ARSG: variants seen among roughly 807,000 people sequenced by gnomAD.
The protein encoded by ARSG is ASG.
ARSG carries 37 observed loss-of-function variants against 50.5 expected under a neutral mutation model. That is an observed-to-expected ratio of 0.73 (90% confidence interval 0.56 to 0.96). ARSG has a LOEUF of 0.96. ARSG is among the 50% of genes least tolerant of loss of function. ARSG has a pLI of 0.00. For synonymous variants in ARSG, 225 were observed against 254.6 expected (o/e 0.88, Z 1.11); for missense variants, 629 against 675.3 (o/e 0.93, Z 0.76).
chr17:68,337,601 G>A (rs972000004), intron 2 of ARSG, among the ~76,000 whole-genome samples: 3 of 52,092 alleles, frequency 5.8e-5, no homozygotes, highest in Admixed American at 2.6e-4. Context: ...AAGCAGAAAC[G>A]CTTCTATTTA....
At chr17:68,398,476 G>A (rs1234842652) in intron 10 of ARSG, among the ~76,000 whole-genome samples, 1 of 152,178 alleles carries the variant, frequency 6.6e-6, no homozygotes, top group East Asian at 1.9e-4. Context: ...GCATACATGT[G>A]TACATATGTA....
chr17:68,411,719 T>C (rs1483811158), intron 11 of ARSG, among the ~76,000 whole-genome samples: 1 of 148,104 alleles, frequency 6.8e-6, no homozygotes, highest in Non-Finnish European at 1.5e-5. Context: ...ATGTTGACAG[T>C]GGGGTGTTAA....
At chr17:68,390,238 A>C (rs2080929840) in intron 9 of ARSG, among the ~76,000 whole-genome samples, 1 of 151,920 alleles carries the variant, frequency 6.6e-6, no homozygotes, top group African/African-American at 2.4e-5. Flanking sequence ...TCTGCCTGGC[A>C]GGTCAGGCCT....
chr17:68,376,872 T>TC (rs1158291917), intron 8 of ARSG, among the ~76,000 whole-genome samples: 6 of 151,440 alleles, frequency 4.0e-5, no homozygotes, highest in Non-Finnish European at 8.8e-5. Context: ...CTTTTTTTTT[T>TC]TTTTTGAGAC....
chr17:68,338,632 G>T (rs1215766368), intron 2 of ARSG, among the ~76,000 whole-genome samples: 1 of 152,180 alleles, frequency 6.6e-6, no homozygotes. Flanking sequence ...CCAGCAGTGT[G>T]AGGCAAGGTC....
chr17:68,309,555 ACT>A (rs1555765888), intron 2 of ARSG, among the ~76,000 whole-genome samples: 5 of 152,014 alleles, frequency 3.3e-5, no homozygotes, highest in African/African-American at 7.2e-5. Context: ...ACAGAGCGAG[ACT>A]CTGTCTCTTA....
chr17:68,361,623 GA>G (rs1294598159), intron 6 of ARSG, among the ~76,000 whole-genome samples: 1 of 151,540 alleles, frequency 6.6e-6, no homozygotes. Context: ...CCTGGAAAAA[GA>G]AAAAAAAGGC....
intron 8 of ARSG, chr17:68,379,786 C>T (rs1023403991): frequency 9.2e-6 from 9 of 983,248 alleles, no homozygotes; most frequent in Non-Finnish European, 1.1e-5. Context: ...AAATGAAAAA[C>T]ACTAGGCATG....
chr17:68,356,862 C>T, intron 6 of ARSG, 58 bp downstream of exon 6: 5 of 1,607,890 alleles, frequency 3.1e-6, no homozygotes, highest in Non-Finnish European at 4.3e-6. Flanking sequence ...CCCGTGCACA[C>T]ACACCATGTC....
chr17:68,451,023 C>T, the ARSG span: 1 of 1,330,182 alleles, frequency 7.5e-7, no homozygotes, highest in East Asian at 2.6e-5. Flanking sequence ...CGGCCAGGCG[C>T]CCTCTCTGAG....
upstream of ARSG, among the ~76,000 whole-genome samples, chr17:68,288,800 C>G (rs782575347): frequency 6.6e-6 from 1 of 152,132 alleles, no homozygotes; most frequent in Non-Finnish European, 1.5e-5. Context: ...TTTCTGTGTA[C>G]CATTAACTGG....
In ARSG at chr17:68,271,990, A is replaced by G. The variant is rs2075356765; in HGVS notation, c.-552+12564A>G. Among the ~76,000 whole-genome samples, 1 of 152,038 alleles carries G rather than the reference A, an allele frequency of 6.6e-6. No individual in the cohort carries two copies. The highest frequency in any genetic ancestry group is 2.1e-4 in the South Asian group (1 of 4,830). On this transcript the variant is annotated intron_variant, in intron 1 of 11. Coordinates refer to the ARSG transcript ENST00000448504. This position sits in a 1 kb window ranked among gnomAD's most constrained non-coding sequence, Gnocchi z 5.3. ...GCCAATTTTTGTATTTTTAGTAGAGACAGGGTTTCACTGTGTTGGCCAGGA... is the reference window on the plus strand; with the variant it reads ...GCCAATTTTTGTATTTTTAGTAGAGGCAGGGTTTCACTGTGTTGGCCAGGA...
At chr17:68,413,237 C>T (rs1434161257) in intron 11 of ARSG, among the ~76,000 whole-genome samples, 1 of 152,036 alleles carries the variant, frequency 6.6e-6, no homozygotes, top group Non-Finnish European at 1.5e-5. Context: ...CTGTTTTTTC[C>T]CCATCTTTGT....
chr17:68,426,134 G>T, downstream of ARSG: 2 of 1,611,540 alleles, frequency 1.2e-6, no homozygotes, highest in Non-Finnish European at 1.7e-6. Context: ...TCATGTTCAG[G>T]AATAACTTCT....
At chr17:68,388,944 A>AAAT (rs1491203982) in intron 9 of ARSG, among the ~76,000 whole-genome samples, 4,601 of 145,886 alleles carry the variant, frequency 0.032, 212 homozygotes, top group East Asian at 0.19. Context: ...AAAAAAAAAA[A>AAAT]AGAAAAACAG....
At chr17:68,273,480 C>T (rs898068544) in intron 1 of ARSG, among the ~76,000 whole-genome samples, 2 of 152,210 alleles carry the variant, frequency 1.3e-5, no homozygotes, top group South Asian at 2.1e-4. Flanking sequence ...CTCAGCCTCC[C>T]GAAGTGCTGG....
rs141614114 is a variant in ARSG, at chr17:68,331,793, G to A, written c.219-11811G>A. On this transcript the variant is annotated intron_variant, in intron 2 of 11. Coordinates refer to ENST00000621439, the MANE Select transcript of ARSG (RefSeq NM_001267727.2). ...AAATTTTAAAGCTGGGTGTCCGGGG[G>A]AGACATCACATGTTGGCAGGTTCCG... 2.0e-3 allele frequency among the ~76,000 whole-genome samples: 298 copies of A among 152,236 alleles called. 3 individuals are homozygous for A. In the East Asian group the frequency reaches 0.021, roughly 11 times the overall value.
chr17:68,445,217 A>G, the ARSG span, among the ~76,000 whole-genome samples: 1 of 152,096 alleles, frequency 6.6e-6, no homozygotes, highest in African/African-American at 2.4e-5. Flanking sequence ...ACCGCGTTCA[A>G]CAGGACTTCT....
chr17:68,271,438 C>T lies in ARSG; in HGVS notation c.-552+12012C>T. ...TTTAGGTGAGGTAGTTAGTTCTACT[C>T]CTGAGTCAATGGAGTCTATTGAGGT... On this transcript the variant is annotated intron_variant, in intron 1 of 11. Coordinates refer to the ARSG transcript ENST00000448504. The surrounding 1 kb of genome is among the most constrained non-coding windows in gnomAD (Gnocchi z 5.3). 2 of 1,614,186 alleles carry T rather than the reference C, an allele frequency of 1.2e-6. No homozygotes were observed. The highest frequency in any genetic ancestry group is 1.7e-6 in the Non-Finnish European group (2 of 1,180,042).
Sources: allele counts gnomAD v4.1 joint callset (sites outside exome capture counted in the v4.1 genomes callset), GRCh38; gene constraint gnomAD v4.1.1; non-coding constraint Gnocchi (gnomAD v3.1); transcripts MANE v1.5; gene names NCBI Gene and HGNC (gene_info 2026-07-23, HGNC 2026-07-21).